NPIPA3: variants seen among roughly 807,000 people sequenced by gnomAD.
NPIPA3 encodes nuclear pore complex interacting protein family member A3, also known as nuclear pore complex-interacting protein family member A3.
In NPIPA3, 1 loss-of-function variant was observed where a neutral mutation model predicts 1.4. That is an observed-to-expected ratio of 0.73 (90% CI 0.26 to 3.47). NPIPA3 has a LOEUF of 3.47. Ranked by LOEUF, NPIPA3 falls within the 30% of genes most tolerant of loss-of-function variation. NPIPA3 has a pLI of 0.19.
intron 5 of NPIPA3, among the ~76,000 whole-genome samples, chr16:14,723,850 TTTTTTTTGTTTTTG>T (rs1961602205): frequency 4.3e-5 from 1 of 23,460 alleles, no homozygotes; most frequent in East Asian, 7.8e-4. Context: ...GACTGTACAG[TTTTTTTTGTTTTTG>T]TTTTTGTTTT....
intron 1 of NPIPA3, among the ~76,000 whole-genome samples, chr16:14,710,029 A>G (rs1961237985): frequency 1.3e-5 from 1 of 74,958 alleles, no homozygotes; most frequent in African/African-American, 4.2e-5. Flanking sequence ...ATATATATAT[A>G]TATATTTTTT....
chr16:14,718,948 T>A (rs1597029340), intron 2 of NPIPA3, among the ~76,000 whole-genome samples: 1 of 31,488 alleles, frequency 3.2e-5, no homozygotes, highest in African/African-American at 8.5e-5. Flanking sequence ...ACCCTCTGCC[T>A]CCTGGGTTCA....
chr16:14,709,995 A>T (rs1395174845), intron 1 of NPIPA3, among the ~76,000 whole-genome samples: 1 of 58,052 alleles, frequency 1.7e-5, no homozygotes, highest in African/African-American at 5.4e-5. Context: ...ACACACACAG[A>T]CAGACACACA....
intron 1 of NPIPA3, among the ~76,000 whole-genome samples, chr16:14,710,033 AT>A (rs1408845567): frequency 3.7e-4 from 28 of 74,932 alleles, no homozygotes; most frequent in Non-Finnish European, 6.6e-4. Flanking sequence ...ATATATATAT[AT>A]TTTTTTTTTT....
intron 1 of NPIPA3, among the ~76,000 whole-genome samples, chr16:14,713,363 T>TTTTA (rs1339341909): frequency 9.5e-4 from 112 of 117,490 alleles, no homozygotes; most frequent in African/African-American, 2.6e-3. Flanking sequence ...ATCTACATTA[T>TTTTA]TTTATTTATT....
chr16:14,719,520 T>TGTGTGTGTGC, intron 2 of NPIPA3, among the ~76,000 whole-genome samples: 1 of 16,416 alleles, frequency 6.1e-5, no homozygotes. Flanking sequence ...TGTGTGTGTG[T>TGTGTGTGTGC]GTGACAGAGT....
At position 14,724,032 on chromosome 16, in the gene NPIPA3, A is replaced by AT. The variant is rs1470589545; in HGVS notation, c.603-280dup. Among the ~76,000 whole-genome samples, 2 of 96,904 alleles carry AT rather than the reference A, an allele frequency of 2.1e-5. 1 individual carries two copies. Among genetic ancestry groups the AT allele is most frequent in the Non-Finnish European group, 5.5e-5 (2 of 36,112 alleles). 63.6% of individuals were successfully genotyped at this position (96,904 alleles called of 152,430 possible). On this transcript the variant is annotated intron_variant, in intron 5 of 7. Coordinates refer to ENST00000531598, the Ensembl canonical transcript of NPIPA3. ...AGGTGCCTGCCACCACCCCCGCCTA[A>AT]TTTTTTGTATTTTTAGTAGAGATGG...
At chr16:14,718,886 G>A (rs1366212094) in intron 2 of NPIPA3, among the ~76,000 whole-genome samples, 2 of 85,024 alleles carry the variant, frequency 2.4e-5, no homozygotes, top group Non-Finnish European at 5.9e-5. Flanking sequence ...TTGAGACGGA[G>A]TCTCACTCTG....
chr16:14,710,042 T>C (rs1249352098), intron 1 of NPIPA3, among the ~76,000 whole-genome samples: 1 of 80,884 alleles, frequency 1.2e-5, no homozygotes, highest in Non-Finnish European at 2.9e-5. Flanking sequence ...TATTTTTTTT[T>C]TTTTTTTGAG....
chr16:14,722,192 G>A (rs1423623675), intron 4 of NPIPA3, among the ~76,000 whole-genome samples: 1 of 37,354 alleles, frequency 2.7e-5, no homozygotes, highest in African/African-American at 4.5e-5. Flanking sequence ...TGCATTGTCA[G>A]CACCTCACCA....
intron 4 of NPIPA3, among the ~76,000 whole-genome samples, chr16:14,722,579 G>A (rs1254444992): frequency 6.1e-4 from 7 of 11,504 alleles, no homozygotes; most frequent in Non-Finnish European, 3.3e-3. Context: ...CAATAGATGC[G>A]CCCAGCATTC....
At chr16:14,713,199 T>TC (rs1226217759) in intron 1 of NPIPA3, among the ~76,000 whole-genome samples, 1 of 148,638 alleles carries the variant, frequency 6.7e-6, no homozygotes, top group African/African-American at 2.5e-5. Context: ...CAGGATAGTC[T>TC]CCATCTCTTG....
chr16:14,709,978 T>TAC (rs1304177587), intron 1 of NPIPA3, among the ~76,000 whole-genome samples: 991 of 46,066 alleles, frequency 0.022, 187 homozygotes, highest in African/African-American at 0.062. Flanking sequence ...TTTATATAGA[T>TAC]ACACACACAC....
intron 5 of NPIPA3, among the ~76,000 whole-genome samples, chr16:14,723,849 GT>G (rs1225754381): frequency 2.0e-4 from 5 of 24,410 alleles, no homozygotes; most frequent in African/African-American, 2.0e-4. Flanking sequence ...AGACTGTACA[GT>G]TTTTTTTGTT....
intron 1 of NPIPA3, among the ~76,000 whole-genome samples, chr16:14,709,950 G>T (rs1597021655): frequency 3.7e-5 from 1 of 26,862 alleles, no homozygotes. Context: ...TCTCAAAAAT[G>T]ATCTTTTATT....
chr16:14,725,501 CAA>C (rs1388564425), intron 7 of NPIPA3: 1 of 69,682 alleles, frequency 1.4e-5, no homozygotes, highest in African/African-American at 5.1e-5. Context: ...TGACCTGGTG[CAA>C]GAAACATGCT....
intron 4 of NPIPA3, among the ~76,000 whole-genome samples, chr16:14,721,994 C>T (rs1217656190): frequency 3.2e-4 from 3 of 9,256 alleles, no homozygotes; most frequent in African/African-American, 2.8e-4. Flanking sequence ...TTGTTCTCAT[C>T]GGAGATCAGA....
chr16:14,722,543 A>T (rs1961575479), intron 4 of NPIPA3, among the ~76,000 whole-genome samples: 1 of 15,128 alleles, frequency 6.6e-5, no homozygotes, highest in African/African-American at 8.6e-5. Context: ...ACCCTGACTT[A>T]GGAGCCATTC....
intron 2 of NPIPA3, among the ~76,000 whole-genome samples, chr16:14,719,158 ATTT>A (rs1179696579): frequency 6.2e-4 from 2 of 3,216 alleles, no homozygotes; most frequent in Non-Finnish European, 2.7e-3. Context: ...CACCTGGCCT[ATTT>A]TTTTTTTTTT....
Sources: gnomAD v4.1 joint callset for allele counts (sites outside exome capture counted in the v4.1 genomes callset) on GRCh38, gnomAD v4.1.1 for gene constraint, MANE v1.5 for transcripts, NCBI Gene and HGNC (gene_info 2026-07-23, HGNC 2026-07-21) for gene names.